Variants in MBD5 observed in about 807,000 individuals in gnomAD.
MBD5 encodes the protein methyl-CpG binding domain protein 5.
In MBD5, 13 loss-of-function variants were observed where a neutral mutation model predicts 117.3. The ratio of observed to expected loss-of-function variants is 0.11; its 90% confidence interval spans 0.07 to 0.18. MBD5 has a LOEUF of 0.18. Ranked by LOEUF, MBD5 falls within the 10% of genes least tolerant of loss-of-function variation. The pLI, the probability that MBD5 is intolerant of heterozygous loss-of-function variation, is 1.00. For missense variants in MBD5, 1,879 were observed against 2,093.8 expected, an observed-to-expected ratio of 0.90 and a Z score of 2.00; for synonymous variants, 727 against 766.4, an observed-to-expected ratio of 0.95 and a Z score of 0.85.
At chr2:148,226,333 A>G (rs571441833) in intron 2 of MBD5, among the ~76,000 whole-genome samples, 102 of 152,032 alleles carry the variant, frequency 6.7e-4, no homozygotes, top group African/African-American at 1.8e-3. Context: ...TCATTGTTCA[A>G]TTCCCACCTA....
At chr2:148,509,195 T>C (rs1682136735) in intron 12 of MBD5, among the ~76,000 whole-genome samples, 1 of 152,108 alleles carries the variant, frequency 6.6e-6, no homozygotes, top group African/African-American at 2.4e-5. Flanking sequence ...AAGAATCACC[T>C]TAGCACTTGG....
At chr2:148,109,296 A>G (rs1433003876) in intron 1 of MBD5, among the ~76,000 whole-genome samples, 1 of 152,154 alleles carries the variant, frequency 6.6e-6, no homozygotes, top group African/African-American at 2.4e-5. Flanking sequence ...AAGAGAAAAA[A>G]AATTATATTT....
intron 1 of MBD5, among the ~76,000 whole-genome samples, chr2:148,039,659 A>G (rs143495566): frequency 2.2e-3 from 312 of 144,154 alleles, no homozygotes; most frequent in African/African-American, 7.4e-3. Flanking sequence ...TCATTTTATT[A>G]AGTGGGTTAC....
chr2:148,349,307 G>C (rs1432934462), intron 4 of MBD5, among the ~76,000 whole-genome samples: 1 of 151,916 alleles, frequency 6.6e-6, no homozygotes, highest in Non-Finnish European at 1.5e-5. Context: ...TAATGATGGA[G>C]TTATGAATTA....
chr2:148,325,711 T>C (rs998467382), intron 3 of MBD5, among the ~76,000 whole-genome samples: 11 of 152,208 alleles, frequency 7.2e-5, no homozygotes, highest in African/African-American at 2.7e-4. Flanking sequence ...TTGCGTCTAC[T>C]TGATTCTTCT....
intron 1 of MBD5, among the ~76,000 whole-genome samples, chr2:148,075,975 C>G (rs534352822): frequency 3.5e-4 from 54 of 152,176 alleles, no homozygotes; most frequent in African/African-American, 1.2e-3. Flanking sequence ...AATCAGGAGC[C>G]ACTAGTAATT....
rs370574043 is a variant in MBD5, at chr2:148,470,229, C to T, written c.2286C>T (p.His762=). 1.4e-5 allele frequency: 23 copies of T among 1,613,974 alleles called. No individual in the cohort carries two copies. Among genetic ancestry groups the T allele is most frequent in the Admixed American group, 1.7e-5 (1 of 59,992 alleles). ...IPLRGEAVHC[H]NANTNFVHSN... is the part of the protein sequence containing the mutation. The stretch of plus-strand genomic sequence containing the variant: ...TAAGAGGGGAAGCCGTGCACTGCCA[C>T]AATGCAAACACTAACTTTGTTCACA... The change falls in exon 8 of 14, where the codon CAC becomes CAT. Residue 762 remains histidine (H), a synonymous_variant. Coordinates refer to ENST00000642680, the MANE Select transcript of MBD5 (RefSeq NM_001378120.1).
At chr2:148,058,743 T>C (rs539594575) in intron 1 of MBD5, among the ~76,000 whole-genome samples, 4 of 152,284 alleles carry the variant, frequency 2.6e-5, no homozygotes, top group Non-Finnish European at 5.9e-5. Context: ...TAGATTTTAT[T>C]ATTTAATTCT....
chr2:148,481,350 A>G (rs192451345), intron 8 of MBD5, among the ~76,000 whole-genome samples: 1 of 152,270 alleles, frequency 6.6e-6, no homozygotes, highest in Admixed American at 6.5e-5. Context: ...ATAAAATTAT[A>G]TTCATATTAC....
intron 4 of MBD5, among the ~76,000 whole-genome samples, chr2:148,343,227 T>C (rs1029436053): frequency 2.0e-5 from 3 of 151,964 alleles, no homozygotes; most frequent in Non-Finnish European, 4.4e-5. Flanking sequence ...AGAATAGTGC[T>C]TAATATTGTG....
chr2:148,122,310 A>G (rs1696788165), intron 1 of MBD5, among the ~76,000 whole-genome samples: 1 of 152,218 alleles, frequency 6.6e-6, no homozygotes, highest in Non-Finnish European at 1.5e-5. Flanking sequence ...AAAAGTTTAG[A>G]AACAATACCT....
At chr2:148,386,075 C>T (rs1394166178) in intron 4 of MBD5, among the ~76,000 whole-genome samples, 1 of 150,958 alleles carries the variant, frequency 6.6e-6, no homozygotes, top group African/African-American at 2.4e-5. Flanking sequence ...CAAACCTGCA[C>T]GTTGTGCACA....
At chr2:148,028,162 T>G (rs1693950002) in intron 1 of MBD5, 1 of 152,106 alleles carries the variant, frequency 6.6e-6, no homozygotes, top group South Asian at 2.1e-4. Context: ...TATAACCTTT[T>G]ATTAGAGAAC....
chr2:148,126,773 ATAG>A (rs1696907204), intron 1 of MBD5, among the ~76,000 whole-genome samples: 1 of 152,114 alleles, frequency 6.6e-6, no homozygotes, highest in Non-Finnish European at 1.5e-5. Flanking sequence ...AACATGTTAG[ATAG>A]TAGTCATATG....
rs1207550316 is a variant in MBD5, at chr2:148,341,161, C to G, written c.-679-1053C>G. 2.0e-5 allele frequency among the ~76,000 whole-genome samples: 3 copies of G among 151,944 alleles called. 1 individual carries two copies. The highest frequency in any genetic ancestry group is 2.0e-4 in the Admixed American group (3 of 15,222). On this transcript the variant is annotated intron_variant, in intron 3 of 13. Transcript: ENST00000642680. ...TAGATAGTTGCTTTCCCCTGTCATC[C>G]TCCTCCCACCCCAATACTGTTTTGC...
intron 2 of MBD5, among the ~76,000 whole-genome samples, chr2:148,232,004 G>A (rs185479899): frequency 9.2e-5 from 14 of 152,322 alleles, no homozygotes; most frequent in African/African-American, 3.4e-4. Context: ...AGTGATATTT[G>A]AGAAGATCCA....
chr2:148,301,571 A>G (rs1401991085), intron 3 of MBD5, among the ~76,000 whole-genome samples: 1 of 152,226 alleles, frequency 6.6e-6, no homozygotes, highest in Non-Finnish European at 1.5e-5. Context: ...GTGATTTGAC[A>G]GATCAAGTGC....
chr2:148,304,859 G>A (rs796236332), intron 3 of MBD5, among the ~76,000 whole-genome samples: 2 of 151,970 alleles, frequency 1.3e-5, no homozygotes, highest in Non-Finnish European at 2.9e-5. Context: ...TCAGGATATC[G>A]AGACCATCCC....
At chr2:148,373,427 A>G (rs1171499354) in intron 4 of MBD5, among the ~76,000 whole-genome samples, 1 of 152,166 alleles carries the variant, frequency 6.6e-6, no homozygotes, top group Non-Finnish European at 1.5e-5. Context: ...AGGGAAAAAT[A>G]CAAACATGTT....
Sources: gnomAD v4.1 joint callset for allele counts (sites outside exome capture counted in the v4.1 genomes callset) on GRCh38, gnomAD v4.1.1 for gene constraint, MANE v1.5 for transcripts, NCBI Gene and HGNC (gene_info 2026-07-23, HGNC 2026-07-21) for gene names.